The following OR51B5 variants were observed in gnomAD, a reference collection of about 807,000 sequenced individuals.
OR51B5 encodes the protein olfactory receptor family 51 subfamily B member 5.
For missense variants in OR51B5, 456 were observed against 374.6 expected, an observed-to-expected ratio of 1.22 and a Z score of -1.79; for synonymous variants, 186 against 144.8, an observed-to-expected ratio of 1.28 and a Z score of -2.04.
At chr11:5,503,357 T>A (rs2133821542) in intron 1 of OR51B5, among the ~76,000 whole-genome samples, 1 of 152,266 alleles carries the variant, frequency 6.6e-6, no homozygotes, top group African/African-American at 2.4e-5. Context: ...AAAATAACAA[T>A]CAAAAAATGT....
At chr11:5,467,296 A>C (rs1373161433) in intron 1 of OR51B5, among the ~76,000 whole-genome samples, 1 of 152,134 alleles carries the variant, frequency 6.6e-6, no homozygotes, top group African/African-American at 2.4e-5. Flanking sequence ...CTCGTTGCTT[A>C]ATGAGACGTT....
In OR51B5 at chr11:5,442,708, G is replaced by C. The variant is rs12576283; in HGVS notation, n.84+62861C>G. 1.7e-4 allele frequency among the ~76,000 whole-genome samples: 26 copies of C among 152,104 alleles called. 1 individual carries two copies. In the East Asian group the frequency reaches 5.0e-3, roughly 29 times the overall value. ...CTTGTTTCTGAGATCTTCGATGTCG[G>C]GATTCAATCTTACTTACATTACCTT... On this transcript the variant is annotated intron_variant and non_coding_transcript_variant, in intron 1 of 4. Coordinates refer to the OR51B5 transcript ENST00000415970.
chr11:5,396,813 G>A (rs1849879540), intron 1 of OR51B5, among the ~76,000 whole-genome samples: 1 of 152,060 alleles, frequency 6.6e-6, no homozygotes. Flanking sequence ...ATACTACAAG[G>A]CTACAGTAAC....
chr11:5,495,372 AAAC>A (rs1851633572), intron 1 of OR51B5, among the ~76,000 whole-genome samples: 1 of 152,246 alleles, frequency 6.6e-6, no homozygotes, highest in Non-Finnish European at 1.5e-5. Flanking sequence ...AAAGTTAAAA[AAAC>A]AAATTTTAAA....
chr11:5,403,458 G>A, intron 1 of OR51B5: 1 of 471,648 alleles, frequency 2.1e-6, no homozygotes, highest in Non-Finnish European at 4.4e-6. Flanking sequence ...CTTCCCACCT[G>A]TTGTCAATCC....
intron 1 of OR51B5, among the ~76,000 whole-genome samples, chr11:5,477,515 T>C (rs555437392): frequency 4.3e-4 from 65 of 152,270 alleles, no homozygotes; most frequent in South Asian, 2.5e-3. Flanking sequence ...GGAGCCAAGA[T>C]GGCCAAATAG....
At chr11:5,361,160 G>T (rs370144369) in intron 1 of OR51B5, among the ~76,000 whole-genome samples, 56,890 of 151,668 alleles carry the variant, frequency 0.38, 10,879 homozygotes, top group Non-Finnish European at 0.41. Flanking sequence ...AAGAAAGAAA[G>T]AAATCTGCTG....
intron 1 of OR51B5, among the ~76,000 whole-genome samples, chr11:5,374,909 G>A (rs915761425): frequency 2.6e-4 from 39 of 152,070 alleles, no homozygotes; most frequent in African/African-American, 9.4e-4. Flanking sequence ...AAAACACTCT[G>A]CAGGATATTA....
intron 1 of OR51B5, among the ~76,000 whole-genome samples, chr11:5,421,806 T>C (rs1372344128): frequency 2.0e-5 from 3 of 152,186 alleles, no homozygotes; most frequent in African/African-American, 7.2e-5. Flanking sequence ...AAGATAAAGA[T>C]TGAATATTAA....
chr11:5,467,234 A>AT (rs2133798336), intron 1 of OR51B5, among the ~76,000 whole-genome samples: 1 of 152,136 alleles, frequency 6.6e-6, no homozygotes, highest in East Asian at 1.9e-4. Flanking sequence ...CTGTCATGTG[A>AT]TTTTGCCAAA....
chr11:5,421,384 T>G (rs1300304490), intron 1 of OR51B5, among the ~76,000 whole-genome samples: 4 of 152,300 alleles, frequency 2.6e-5, no homozygotes, highest in East Asian at 1.9e-4. Context: ...CTGTGAATCA[T>G]CAGGAAAAAG....
intron 1 of OR51B5, among the ~76,000 whole-genome samples, chr11:5,465,325 G>C (rs1230197001): frequency 6.6e-6 from 1 of 150,962 alleles, no homozygotes; most frequent in Non-Finnish European, 1.5e-5. Flanking sequence ...ATCTCATTGT[G>C]GTTTTGATTT....
intron 1 of OR51B5, among the ~76,000 whole-genome samples, chr11:5,356,351 C>T (rs184007131): frequency 4.5e-4 from 68 of 151,744 alleles, no homozygotes; most frequent in Non-Finnish European, 7.4e-4. Flanking sequence ...GTAGCTGATT[C>T]GATCAACTGG....
intron 1 of OR51B5, among the ~76,000 whole-genome samples, chr11:5,464,857 A>G (rs1458718098): frequency 7.9e-5 from 12 of 152,098 alleles, no homozygotes; most frequent in South Asian, 2.1e-4. Flanking sequence ...CTGAGGAATC[A>G]CCACACTGAC....
intron 1 of OR51B5, among the ~76,000 whole-genome samples, chr11:5,479,568 A>T (rs1482099538): frequency 1.3e-5 from 2 of 151,610 alleles, no homozygotes; most frequent in African/African-American, 4.8e-5. Flanking sequence ...CAGACTGGCA[A>T]ATTGGATAAA....
In OR51B5 at chr11:5,478,279, AAC is replaced by A. The variant is rs1303587529; in HGVS notation, n.84+27288_84+27289del. 7.2e-5 allele frequency among the ~76,000 whole-genome samples: 11 copies of A among 152,122 alleles called. No homozygotes were observed. The East Asian group carries it at 1.7e-3, about 24-fold the overall frequency. Reference sequence around the variant, plus strand: ...GACACCTCACACGGCAGGGTATTCCAACAGACTTGCAGCTGAGGGTCCTGTCT... The same window carrying A: ...GACACCTCACACGGCAGGGTATTCCAAGACTTGCAGCTGAGGGTCCTGTCT... On this transcript the variant is annotated intron_variant and non_coding_transcript_variant, in intron 1 of 4. Transcript: ENST00000415970.
chr11:5,410,363 C>T (rs1850128104), intron 1 of OR51B5, among the ~76,000 whole-genome samples: 1 of 152,006 alleles, frequency 6.6e-6, no homozygotes, highest in Non-Finnish European at 1.5e-5. Flanking sequence ...TCTAGCATTA[C>T]TGGGAAAATT....
chr11:5,403,012 C>A, intron 1 of OR51B5: 1 of 471,566 alleles, frequency 2.1e-6, no homozygotes. Flanking sequence ...CACAGCTATC[C>A]TGACACTGCC....
At chr11:5,395,560 G>A (rs1013524066) in intron 1 of OR51B5, among the ~76,000 whole-genome samples, 4 of 152,214 alleles carry the variant, frequency 2.6e-5, no homozygotes, top group Non-Finnish European at 5.9e-5. Flanking sequence ...GCCTTGTAGA[G>A]AATGATACAG....
Sources: gnomAD v4.1 joint callset for allele counts (sites outside exome capture counted in the v4.1 genomes callset) on GRCh38, gnomAD v4.1.1 for gene constraint, MANE v1.5 for transcripts, NCBI Gene and HGNC (gene_info 2026-07-23, HGNC 2026-07-21) for gene names.